Variants in RCOR2 observed in about 807,000 individuals in gnomAD.
RCOR2 encodes the protein REST corepressor 2.
In RCOR2, 19 loss-of-function variants were observed where a neutral mutation model predicts 58.9. The observed-to-expected ratio is 0.32, with a 90% CI of 0.23 to 0.47. The LOEUF is 0.47. RCOR2 is among the 20% of genes least tolerant of loss of function. The pLI is 1.00. For missense variants in RCOR2, 590 were observed against 707.9 expected, an observed-to-expected ratio of 0.83 and a Z score of 1.89; for synonymous variants, 286 against 278.7, an observed-to-expected ratio of 1.03 and a Z score of -0.26.
At chr11:63,918,496 G>C (rs543380242), upstream of RCOR2, among the ~76,000 whole-genome samples, 53 of 152,338 alleles carry the variant, frequency 3.5e-4, no homozygotes, top group Middle Eastern at 3.4e-3. Flanking sequence ...CCAGGGCTAC[G>C]GGGCCTTTAT....
Position 63,914,491 on chromosome 11 carries a change from C to T in RCOR2, c.531G>A (p.Lys177=). 2 of 1,613,860 alleles carry T rather than the reference C, an allele frequency of 1.2e-6. No individual in the cohort carries two copies. The highest frequency in any genetic ancestry group is 1.7e-6 in the Non-Finnish European group (2 of 1,180,030). The change falls in exon 6 of 12, where the codon AAG becomes AAA. Residue 177 remains lysine, a synonymous_variant. Coordinates refer to ENST00000301459, the MANE Select transcript of RCOR2 (RefSeq NM_173587.4). The part of the protein sequence containing the change: ...PSLVKYYYSW[K]KTRSRTSVMD... ...TCACACTAGTTCGGCTGCGGGTCTT[C>T]TTCCAAGAGTAGTAGTATTTCACCA...
Position 63,915,528 on chromosome 11 carries a change from C to T in RCOR2, c.184+27G>A, listed in dbSNP as rs931847293. On this transcript the variant is annotated intron_variant, in intron 2 of 11. Transcript: ENST00000301459. ...AAGCCCCGGGCCTCCACCCCCACCC[C>T]ACTTCACAGCCTGTCCTGCGGCTCA... is the stretch of plus-strand genomic sequence containing the variant. 1.5e-5 allele frequency: 23 copies of T among 1,550,844 alleles called. No individual in the cohort carries two copies. The African/African-American group carries it at 2.9e-4, about 19-fold the overall frequency.
chr11:63,926,489 C>CTTTTTTTTTTTTTTTTTT, the RCOR2 span, among the ~76,000 whole-genome samples: 2 of 137,834 alleles, frequency 1.5e-5, no homozygotes, highest in Admixed American at 7.4e-5. Context: ...CTCTCTCTCT[C>CTTTTTTTTTTTTTTTTTT]TTTTTTTTTT....
chr11:63,916,500 G>A lies in RCOR2; in HGVS notation c.-44C>T. The A allele has an allele frequency of 1.3e-6, 2 of 1,578,906 alleles. No individual in the cohort carries two copies. The highest frequency in any genetic ancestry group is 2.7e-5 in the African/African-American group (2 of 74,354). On this transcript the variant is annotated 5_prime_UTR_variant, in exon 1 of 12. Coordinates refer to ENST00000301459, the MANE Select transcript of RCOR2 (RefSeq NM_173587.4). ...CGGGGGGCGCAGGAGCCTTCGGAGA[G>A]CGACAGTGGTTGCCGCACTCGCTCC...
chr11:63,917,651 T>C (rs1457305225), upstream of RCOR2, among the ~76,000 whole-genome samples: 2 of 152,122 alleles, frequency 1.3e-5, no homozygotes, highest in Non-Finnish European at 2.9e-5. Context: ...AGGCAAGGAA[T>C]GAATTCCTCC....
At chr11:63,920,055 C>T (rs1303704046), upstream of RCOR2, among the ~76,000 whole-genome samples, 3 of 152,230 alleles carry the variant, frequency 2.0e-5, no homozygotes, top group Admixed American at 2.0e-4. Flanking sequence ...TTGCCACACA[C>T]ACAGCTCAGA....
At chr11:63,918,922 T>TA (rs1565163026), upstream of RCOR2, among the ~76,000 whole-genome samples, 2 of 152,096 alleles carry the variant, frequency 1.3e-5, no homozygotes, top group African/African-American at 4.8e-5. Context: ...CCAGTCTCTC[T>TA]AGCAGGGATC....
chr11:63,915,624 G>A lies in RCOR2; in HGVS notation c.128-13C>T, dbSNP rs1430350824. ...CGGATCATGCTGTCTGTGGAGCCAG[G>A]GGGAGGCAGTCAGGACTCCAGGGAG... On this transcript the variant is annotated splice_polypyrimidine_tract_variant and intron_variant, in intron 1 of 11. Transcript: ENST00000301459. 13 of 1,551,892 alleles carry A rather than the reference G, an allele frequency of 8.4e-6. No homozygotes were observed. Among genetic ancestry groups the A allele is most frequent in the South Asian group, 1.2e-5 (1 of 84,434 alleles).
Position 63,914,821 on chromosome 11 carries a change from C to G in RCOR2, c.319-5G>C, listed in dbSNP as rs916496594. On this transcript the variant is annotated splice_polypyrimidine_tract_variant and splice_region_variant and intron_variant, in intron 4 of 11. Transcript: ENST00000301459. ...CCACAGAAGCATGCCCAGCGCCTGG[C>G]CCGGGGCAAGGGGCAGCTGAGCCTG... The G allele has an allele frequency of 1.0e-5, 16 of 1,601,688 alleles. No homozygotes were observed. Among genetic ancestry groups the G allele is most frequent in the Admixed American group, 6.8e-5 (4 of 58,988 alleles).
Position 63,915,154 on chromosome 11 carries a change from C to G in RCOR2, c.265+24G>C, listed in dbSNP as rs1414048353. ...AGCTGGGATGAACCCAAGCCCCCAC[C>G]TCCCAGGGCTGTGCCCCACTCACGC... On this transcript the variant is annotated intron_variant, in intron 3 of 11. Coordinates refer to ENST00000301459, the MANE Select transcript of RCOR2 (RefSeq NM_173587.4). 6 of 1,547,520 alleles carry G rather than the reference C, an allele frequency of 3.9e-6. No individual in the cohort carries two copies. In the African/African-American group the frequency reaches 8.2e-5, roughly 21 times the overall value.
chr11:63,927,188 T>C, the RCOR2 span, among the ~76,000 whole-genome samples: 2 of 152,274 alleles, frequency 1.3e-5, no homozygotes, highest in South Asian at 2.1e-4. Flanking sequence ...AGCTCAGATA[T>C]CACCTTCTGC....
Position 63,916,483 on chromosome 11 carries a change from G to A in RCOR2, c.-27C>T, listed in dbSNP as rs770101023. ...ACCCCGCCCAGCTGCCCCGGGGGGCGCAGGAGCCTTCGGAGAGCGACAGTG... is the reference window on the plus strand; with the variant it reads ...ACCCCGCCCAGCTGCCCCGGGGGGCACAGGAGCCTTCGGAGAGCGACAGTG... On this transcript the variant is annotated 5_prime_UTR_variant, in exon 1 of 12. Coordinates refer to ENST00000301459, the MANE Select transcript of RCOR2 (RefSeq NM_173587.4). 3.8e-6 allele frequency: 6 copies of A among 1,596,266 alleles called. No individual in the cohort carries two copies. Among genetic ancestry groups the A allele is most frequent in the Non-Finnish European group, 5.1e-6 (6 of 1,172,808 alleles).
chr11:63,914,861 C>T (rs1297331921), intron 4 of RCOR2, 41 bp downstream of exon 4: 10 of 1,609,344 alleles, frequency 6.2e-6, no homozygotes, highest in South Asian at 5.5e-5. Flanking sequence ...GCCCCGGCAC[C>T]GTTCCACCCC....
chr11:63,912,757 C>A (rs370209189), intron 9 of RCOR2, 24 bp from the exon 10 acceptor site: 132 of 1,613,416 alleles, frequency 8.2e-5, no homozygotes, highest in Non-Finnish European at 1.1e-4. Context: ...AACAACATAT[C>A]CTTTAGACTC....
chr11:63,914,263 C>T lies in RCOR2; in HGVS notation c.673G>A (p.Glu225Lys), dbSNP rs535330387. The T allele has an allele frequency of 6.2e-7, 1 of 1,613,530 alleles. No individual in the cohort carries two copies. Among genetic ancestry groups the T allele is most frequent in the South Asian group, 1.1e-5 (1 of 91,082 alleles). The change falls in exon 7 of 12, where the codon GAG becomes AAG. Residue 225 changes from glutamate to lysine, a missense_variant and splice_region_variant. By Grantham distance (56) the Glu-to-Lys change is moderately conservative. Around this residue, in one of 3 missense-constraint regions of RCOR2, gnomAD observed 390 missense variants for 478.7 expected, o/e 0.81. Coordinates refer to ENST00000301459, the MANE Select transcript of RCOR2 (RefSeq NM_173587.4). Reference sequence around the variant, plus strand: ...GCCCAGAGGCTCTGGGAGCTCACCTCTCTCTTGGGATCTGCAGGATCGGGC... The same window carrying T: ...GCCCAGAGGCTCTGGGAGCTCACCTTTCTCTTGGGATCTGCAGGATCGGGC... ...GEPDPADPKREPLPSRPLNAR... is the reference protein window; with the variant it reads ...GEPDPADPKRKPLPSRPLNAR...
chr11:63,921,102 G>C (rs952896398), upstream of RCOR2, among the ~76,000 whole-genome samples: 1 of 152,194 alleles, frequency 6.6e-6, no homozygotes, highest in Non-Finnish European at 1.5e-5. Context: ...CACCCACGTG[G>C]GGGAAATCTG....
At chr11:63,926,682 C>T in the RCOR2 span, among the ~76,000 whole-genome samples, 3 of 151,848 alleles carry the variant, frequency 2.0e-5, no homozygotes, top group African/African-American at 4.8e-5. Flanking sequence ...GATGGGATTT[C>T]ATCATCTTGG....
upstream of RCOR2, among the ~76,000 whole-genome samples, chr11:63,919,651 G>A (rs1941903371): frequency 6.6e-6 from 1 of 152,236 alleles, no homozygotes; most frequent in South Asian, 2.1e-4. Context: ...TGCAGCCTGA[G>A]GCAGCGGAAG....
chr11:63,914,855 C>T (rs765221436), intron 4 of RCOR2, 39 bp from the exon 5 acceptor site: 42 of 1,581,706 alleles, frequency 2.7e-5, no homozygotes, highest in South Asian at 3.4e-5. Context: ...TGAGCTGCCC[C>T]GGCACCGTTC....
Sources: gnomAD v4.1 joint callset for allele counts (sites outside exome capture counted in the v4.1 genomes callset) on GRCh38, gnomAD v4.1.1 for gene constraint, gnomAD v4.1.1 regional missense constraint, MANE v1.5 for transcripts, NCBI Gene and HGNC (gene_info 2026-07-23, HGNC 2026-07-21) for gene names.